Variants in CPXM1 observed in about 807,000 individuals in gnomAD.
The protein encoded by CPXM1 is carboxypeptidase X, M14 family member 1, also known as probable carboxypeptidase X1.
In CPXM1, 72 loss-of-function variants were observed where a neutral mutation model predicts 80.4. That is an observed-to-expected ratio of 0.90 (90% CI 0.74 to 1.09). The LOEUF is 1.09. Ranked by LOEUF, CPXM1 falls within the 50% of genes least tolerant of loss-of-function variation. The pLI, the probability that CPXM1 is intolerant of heterozygous loss-of-function variation, is 0.00. For synonymous variants in CPXM1, 403 were observed against 405.6 expected, an observed-to-expected ratio of 0.99 and a Z score of 0.08; for missense variants, 892 against 999.4, an observed-to-expected ratio of 0.89 and a Z score of 1.45.
rs1391450166 is a variant in CPXM1 at position 2,795,092 on chromosome 20, G to A, written c.1860+185C>T. Among the ~76,000 whole-genome samples, 2 of 152,106 alleles carry A rather than the reference G, an allele frequency of 1.3e-5. No homozygotes were observed. The highest frequency in any genetic ancestry group is 2.4e-5 in the African/African-American group (1 of 41,388). On this transcript the variant is annotated intron_variant, in intron 12 of 13. Coordinates refer to ENST00000380605, the MANE Select transcript of CPXM1 (RefSeq NM_019609.5). The surrounding 1 kb of genome is among the most constrained non-coding windows in gnomAD (Gnocchi z 5.4). ...CCCACCGGCTCTAACACGATGCCAC[G>A]CTGCCAGCAAACTGCACTTCCTGTC...
chr20:2,797,221 C>A lies in CPXM1; in HGVS notation c.803G>T (p.Arg268Leu). The change falls in exon 6 of 14, where the codon CGG becomes CTG. Residue 268 changes from arginine to leucine, a missense_variant. Physicochemically the swap from Arg to Leu is moderately radical, Grantham distance 102. Transcript: ENST00000380605. ...GACTGGGCAGGCCAGGATCTCTGCCCGGAGGCAAGGCGCGCCTCCCTGGAG... is the reference window on the plus strand; with the variant it reads ...GACTGGGCAGGCCAGGATCTCTGCCAGGAGGCAAGGCGCGCCTCCCTGGAG... ...TWLQGGAPCL[R>L]AEILACPVSD... The A allele has an allele frequency of 1.3e-6, 2 of 1,580,164 alleles. No individual in the cohort carries two copies. The highest frequency in any genetic ancestry group is 1.7e-6 in the Non-Finnish European group (2 of 1,159,666).
intron 1 of CPXM1, among the ~76,000 whole-genome samples, chr20:2,799,584 C>T (rs975437361): frequency 3.3e-5 from 5 of 152,154 alleles, no homozygotes; most frequent in Admixed American, 2.6e-4. Flanking sequence ...TGCCTTTGCC[C>T]GCCGCTTCCT....
At chr20:2,799,414 C>T (rs1302093882) in intron 1 of CPXM1, among the ~76,000 whole-genome samples, 2 of 152,216 alleles carry the variant, frequency 1.3e-5, no homozygotes, top group Admixed American at 1.3e-4. Flanking sequence ...GATGGCCTGT[C>T]CTGGAATCCA....
At position 2,800,395 on chromosome 20, in the gene CPXM1, A is replaced by G. The variant is rs1316263676; in HGVS notation, c.172+6T>C. ...GGGGGAGCGGACCGTCGGTCGGGGA[A>G]CTCACCGTTAGCTGTCTCCGCCGGC... On this transcript the variant is annotated splice_donor_region_variant and intron_variant, in intron 1 of 13. Coordinates refer to ENST00000380605, the MANE Select transcript of CPXM1 (RefSeq NM_019609.5). 3.3e-6 allele frequency: 5 copies of G among 1,520,978 alleles called. No individual in the cohort carries two copies. Among genetic ancestry groups the G allele is most frequent in the South Asian group, 1.2e-5 (1 of 80,384 alleles). The allele number at this position is 1,520,978 out of a possible 1,614,324, so 94.2% of individuals were successfully genotyped here. A position where few individuals can be genotyped will look rare whatever the true frequency, so the allele number is the denominator to read the frequency against.
Position 2,795,389 on chromosome 20 carries a change from G to A in CPXM1, c.1748C>T (p.Thr583Ile). The change falls in exon 12 of 14, where the codon ACC becomes ATC. Residue 583 changes from threonine to isoleucine, a missense_variant. Thr to Ile is a moderately conservative substitution (Grantham distance 89). This residue lies in a region of CPXM1 where 874 missense variants were observed against 958.4 expected (regional missense o/e 0.91). Transcript: ENST00000380605. The surrounding 1 kb of genome is among the most constrained non-coding windows in gnomAD (Gnocchi z 5.4). ...GSMNDFSYLH[T>I]NCFEVTVELS... The stretch of plus-strand genomic sequence containing the variant: ...CTCCACAGTGACCTCAAAGCAGTTG[G>A]TGTGTAGGTAGCTGAAGTCATTCAT... 2 of 1,614,170 alleles carry A rather than the reference G, an allele frequency of 1.2e-6. No individual in the cohort carries two copies. The highest frequency in any genetic ancestry group is 1.7e-6 in the Non-Finnish European group (2 of 1,180,022).
intron 5 of CPXM1, 76 bp downstream of exon 5, chr20:2,797,892 A>T (rs2146561411): frequency 7.5e-7 from 1 of 1,340,162 alleles, no homozygotes; most frequent in South Asian, 1.2e-5. Flanking sequence ...CCTTGTCCTC[A>T]GAGGAGCCTC....
chr20:2,800,349 A>G, intron 1 of CPXM1, 52 bp downstream of exon 1: 1 of 1,447,828 alleles, frequency 6.9e-7, no homozygotes, highest in Non-Finnish European at 9.1e-7. Context: ...ACGGGGCAGG[A>G]GAGCCGGGCA....
At position 2,796,976 on chromosome 20, in the gene CPXM1, C is replaced by T. The variant is rs2088516256; in HGVS notation, c.921+30G>A. On this transcript the variant is annotated intron_variant, in intron 7 of 13. Transcript: ENST00000380605. The surrounding 1 kb of genome is among the most constrained non-coding windows in gnomAD (Gnocchi z 6.8). ...AGGGGACCTGAGATGGGTGGGCCCT[C>T]CTTCCCAGGTCATAGGGGTTATATC... 3 of 1,603,596 alleles carry T rather than the reference C, an allele frequency of 1.9e-6. No individual in the cohort carries two copies. Among genetic ancestry groups the T allele is most frequent in the Non-Finnish European group, 2.6e-6 (3 of 1,170,910 alleles).
Position 2,796,733 on chromosome 20 carries a change from A to G in CPXM1, c.922-83T>C, listed in dbSNP as rs1600266929. On this transcript the variant is annotated intron_variant, in intron 7 of 13. Coordinates refer to ENST00000380605, the MANE Select transcript of CPXM1 (RefSeq NM_019609.5). This position sits in a 1 kb window ranked among gnomAD's most constrained non-coding sequence, Gnocchi z 6.8. ...TCACATGTGCCATGGAAAGACTTAA[A>G]AAGTCAGCGATGGCCCACACAGAGG... 1.3e-6 allele frequency: 2 copies of G among 1,557,962 alleles called. No homozygotes were observed. The highest frequency in any genetic ancestry group is 1.7e-6 in the Non-Finnish European group (2 of 1,147,810).
chr20:2,799,842 T>C (rs916998622), intron 1 of CPXM1, among the ~76,000 whole-genome samples: 15 of 152,190 alleles, frequency 9.9e-5, no homozygotes, highest in African/African-American at 3.6e-4. Context: ...TCTCCAGCCC[T>C]CGCCTTCAAA....
chr20:2,795,272 C>G lies in CPXM1; in HGVS notation c.1860+5G>C, dbSNP rs182655680. The G allele has an allele frequency of 9.6e-5, 155 of 1,613,102 alleles. No individual in the cohort carries two copies. In the East Asian group the frequency reaches 2.8e-3, roughly 29 times the overall value. On this transcript the variant is annotated splice_donor_5th_base_variant and intron_variant, in intron 12 of 13. Coordinates refer to ENST00000380605, the MANE Select transcript of CPXM1 (RefSeq NM_019609.5). This position sits in a 1 kb window ranked among gnomAD's most constrained non-coding sequence, Gnocchi z 5.4. ...GCAGGCTGGGGGCCGGGACGCAGATCCGACCTGCTCCAGGTAGGTGAGGAG... is the reference window on the plus strand; with the variant it reads ...GCAGGCTGGGGGCCGGGACGCAGATGCGACCTGCTCCAGGTAGGTGAGGAG...
chr20:2,794,514 C>A lies in CPXM1; in HGVS notation c.1963+23G>T. The A allele has an allele frequency of 1.9e-6, 3 of 1,613,964 alleles. No homozygotes were observed. In the South Asian group the frequency reaches 3.3e-5, roughly 18 times the overall value. The stretch of plus-strand genomic sequence containing the variant: ...AGCCTCCAGCCCTCCAGCCCCTTCC[C>A]TTGCCCTCCCGGTCAAACACACCCG... On this transcript the variant is annotated intron_variant, in intron 13 of 13. Transcript: ENST00000380605. The surrounding 1 kb of genome is among the most constrained non-coding windows in gnomAD (Gnocchi z 5.2).
rs2088558982 is a variant in CPXM1, at chr20:2,800,442, A to G, written c.131T>C (p.Leu44Pro). Residue 44 changes from leucine (L) to proline (P), a missense_variant, in exon 1 of 14, where the codon CTG (leucine) becomes CCG (proline). Coordinates refer to ENST00000380605, the MANE Select transcript of CPXM1 (RefSeq NM_019609.5). Reference sequence around the variant, plus strand: ...CGGCGGCTGTGCCGGGCTGCTATGCAGGGCCGGGGTCGAGCCTGGGACCTT... The same window carrying G: ...CGGCGGCTGTGCCGGGCTGCTATGCGGGGCCGGGGTCGAGCCTGGGACCTT... ...TTKVPGSTPA[L>P]HSSPAQPPAE... 5 of 1,515,270 alleles carry G rather than the reference A, an allele frequency of 3.3e-6. No individual in the cohort carries two copies. The African/African-American group carries it at 7.1e-5, about 22-fold the overall frequency. The allele number at this position is 1,515,270 out of a possible 1,614,324, so 93.9% of individuals were successfully genotyped here. A position where few individuals can be genotyped will look rare whatever the true frequency, so the allele number is the denominator to read the frequency against.
chr20:2,800,615 G>A lies in CPXM1; in HGVS notation c.-43C>T. ...AGGGGCGCGCGGGCTACGGCGGGTG[G>A]CGGGTCGGTCTCTTCCTGCCGAGTG... On this transcript the variant is annotated 5_prime_UTR_variant, in exon 1 of 14. Coordinates refer to ENST00000380605, the MANE Select transcript of CPXM1 (RefSeq NM_019609.5). 6 of 1,311,040 alleles carry A rather than the reference G, an allele frequency of 4.6e-6. 1 individual carries two copies. Among genetic ancestry groups the A allele is most frequent in the Middle Eastern group, 5.7e-4 (2 of 3,486 alleles). The allele number at this position is 1,311,040 out of a possible 1,614,324, so 81.2% of individuals were successfully genotyped here.
In CPXM1 at chr20:2,794,937, G is replaced by A. The variant is rs1468338027; in HGVS notation, c.1861-298C>T. On this transcript the variant is annotated intron_variant, in intron 12 of 13. Transcript: ENST00000380605. The surrounding 1 kb of genome is among the most constrained non-coding windows in gnomAD (Gnocchi z 5.2). ...CTCTGCTTATGGAGCTATTACAAGGGTTATGAGCTCCATGGAACATGAAGC... is the reference window on the plus strand; with the variant it reads ...CTCTGCTTATGGAGCTATTACAAGGATTATGAGCTCCATGGAACATGAAGC... Among the ~76,000 whole-genome samples the A allele has an allele frequency of 2.2e-4, 34 of 152,170 alleles. No individual in the cohort carries two copies. Among genetic ancestry groups the A allele is most frequent in the Admixed American group, 2.2e-3 (34 of 15,268 alleles).
In CPXM1 at chr20:2,795,459, G is replaced by A. The variant is rs376638657; in HGVS notation, c.1721-43C>T. On this transcript the variant is annotated intron_variant, in intron 11 of 13. Transcript: ENST00000380605. This position sits in a 1 kb window ranked among gnomAD's most constrained non-coding sequence, Gnocchi z 5.4. ...ACTGCTGCCTAAGCAGGCGGGATGC[G>A]GTCCCATCCTCCCGCTACCCTCCCT... 2.5e-5 allele frequency: 40 copies of A among 1,602,084 alleles called. No homozygotes were observed. The highest frequency in any genetic ancestry group is 2.7e-5 in the Non-Finnish European group (32 of 1,171,228).
Position 2,798,256 on chromosome 20 carries a change from G to A in CPXM1, c.486C>T (p.Ala162=), listed in dbSNP as rs1327865318. ...GLEDGDLYDG[A]WCAEEQDADP... ...CGGCGTCCTGCTCCTCAGCACACCA[G>A]GCTCCATCATATAGATCGCCGTCCT... The change falls in exon 4 of 14, where the codon GCC becomes GCT. Residue 162 remains alanine (A), a synonymous_variant. Transcript: ENST00000380605. 11 of 1,613,822 alleles carry A rather than the reference G, an allele frequency of 6.8e-6. No homozygotes were observed. The highest frequency in any genetic ancestry group is 9.3e-6 in the Non-Finnish European group (11 of 1,180,022).
intron 3 of CPXM1, 29 bp downstream of exon 3, chr20:2,798,399 G>A (rs371960900): frequency 1.9e-5 from 31 of 1,605,946 alleles, no homozygotes; most frequent in Non-Finnish European, 2.6e-5. Flanking sequence ...CCTACCCTGA[G>A]ACCATGGCTC....
chr20:2,796,429 G>T lies in CPXM1; in HGVS notation c.1060C>A (p.Arg354Ser). The change falls in exon 9 of 14, where the codon CGC becomes AGC. Residue 354 changes from arginine to serine, a missense_variant. This residue lies in a region of CPXM1 where 874 missense variants were observed against 958.4 expected (regional missense o/e 0.91). Coordinates refer to ENST00000380605, the MANE Select transcript of CPXM1 (RefSeq NM_019609.5). This position sits in a 1 kb window ranked among gnomAD's most constrained non-coding sequence, Gnocchi z 6.8. ...TTCCCATGCATGCCAGCCACGTAGC[G>T]CACCTCAGGCTCCCCTGGGGACACA... ...GEHELGEPEVRYVAGMHGNEA... is the reference protein window; with the variant it reads ...GEHELGEPEVSYVAGMHGNEA... 6.2e-7 allele frequency: 1 copy of T among 1,613,944 alleles called. No individual in the cohort carries two copies. Among genetic ancestry groups the T allele is most frequent in the South Asian group, 1.1e-5 (1 of 91,064 alleles).
Sources: gnomAD v4.1 joint callset for allele counts (sites outside exome capture counted in the v4.1 genomes callset) on GRCh38, gnomAD v4.1.1 for gene constraint, gnomAD v4.1.1 regional missense constraint, Gnocchi (gnomAD v3.1) non-coding constraint, MANE v1.5 for transcripts, NCBI Gene and HGNC (gene_info 2026-07-23, HGNC 2026-07-21) for gene names.